BASP1: variants seen among roughly 807,000 people sequenced by gnomAD.
The protein encoded by BASP1 is brain acid soluble protein 1.
BASP1 carries 1 observed loss-of-function variant against 2.2 expected under a neutral mutation model. That is an observed-to-expected ratio of 0.46 (90% CI 0.16 to 2.17). The LOEUF (loss-of-function observed/expected upper bound fraction) is 2.17. Among genes scored for constraint, BASP1 ranks in the 30% most tolerant of loss-of-function variants. BASP1 has a pLI of 0.27. For synonymous variants in BASP1, 187 were observed against 154.2 expected, an observed-to-expected ratio of 1.21 and a Z score of -1.58; for missense variants, 352 against 327.2, an observed-to-expected ratio of 1.08 and a Z score of -0.58.
chr5:17,274,073 T>C (rs1740580173), intron 1 of BASP1, among the ~76,000 whole-genome samples: 1 of 152,202 alleles, frequency 6.6e-6, no homozygotes, highest in Admixed American at 6.5e-5. Context: ...GTTTAATGCT[T>C]GGTTTTCAGA....
rs6866010 is a variant in BASP1, at chr5:17,260,889, C to T, written c.-9-14319C>T. Among the ~76,000 whole-genome samples the T allele has an allele frequency of 0.046, 6,929 of 152,272 alleles. 508 individuals are homozygous for T. The highest frequency in any genetic ancestry group is 0.15 in the African/African-American group (6,432 of 41,526). ...AATCCAACAATATAAAAGGGTTAAGCAGGCCTGGCCTGGTGGTGGCTAACA... is the reference window on the plus strand; with the variant it reads ...AATCCAACAATATAAAAGGGTTAAGTAGGCCTGGCCTGGTGGTGGCTAACA... On this transcript the variant is annotated intron_variant, in intron 1 of 1. Transcript: ENST00000322611. The surrounding 1 kb of genome is among the most constrained non-coding windows in gnomAD (Gnocchi z 4.2).
chr5:17,270,307 C>T (rs938234536), intron 1 of BASP1, among the ~76,000 whole-genome samples: 6 of 152,164 alleles, frequency 3.9e-5, no homozygotes, highest in Non-Finnish European at 8.8e-5. Flanking sequence ...GCCCCCTCTT[C>T]TCTTTCTCTG....
chr5:17,256,976 C>T (rs1198681150), intron 1 of BASP1, among the ~76,000 whole-genome samples: 1 of 152,206 alleles, frequency 6.6e-6, no homozygotes, highest in African/African-American at 2.4e-5. Context: ...GCACATGGTC[C>T]TTTATCACAA....
At chr5:17,250,636 G>A (rs532346145) in intron 1 of BASP1, among the ~76,000 whole-genome samples, 8 of 152,142 alleles carry the variant, frequency 5.3e-5, no homozygotes, top group South Asian at 4.2e-4. Context: ...ACGGAGTCTC[G>A]CTTTGTCGCC....
At chr5:17,222,954 T>C (rs1739420119) in intron 1 of BASP1, among the ~76,000 whole-genome samples, 1 of 151,854 alleles carries the variant, frequency 6.6e-6, no homozygotes, top group South Asian at 2.1e-4. Context: ...TATAGGAAAA[T>C]GGTGTGCAGT....
intron 1 of BASP1, among the ~76,000 whole-genome samples, chr5:17,256,918 A>G (rs955191668): frequency 7.2e-5 from 11 of 152,234 alleles, no homozygotes; most frequent in African/African-American, 2.4e-4. Flanking sequence ...AGGTTTCCTG[A>G]TAATTTAACT....
At chr5:17,252,042 G>A (rs1018774775) in intron 1 of BASP1, among the ~76,000 whole-genome samples, 3 of 152,154 alleles carry the variant, frequency 2.0e-5, no homozygotes, top group Non-Finnish European at 4.4e-5. Context: ...TGAGCGCCAA[G>A]GATGACAGCC....
chr5:17,243,767 T>G (rs1739919655), intron 1 of BASP1, among the ~76,000 whole-genome samples: 1 of 152,222 alleles, frequency 6.6e-6, no homozygotes, highest in Non-Finnish European at 1.5e-5. Context: ...CTTCCTAGTC[T>G]GTCATGGAAG....
At chr5:17,263,967 C>G (rs981804791) in intron 1 of BASP1, among the ~76,000 whole-genome samples, 3 of 152,142 alleles carry the variant, frequency 2.0e-5, no homozygotes, top group Non-Finnish European at 4.4e-5. Flanking sequence ...TAAATATGAG[C>G]CTTGGCTGAA....
At chr5:17,237,334 A>C (rs1739768845) in intron 1 of BASP1, among the ~76,000 whole-genome samples, 2 of 152,022 alleles carry the variant, frequency 1.3e-5, no homozygotes, top group Non-Finnish European at 2.9e-5. Flanking sequence ...ACACAGCGAG[A>C]CTCCGTCTCA....
intron 1 of BASP1, among the ~76,000 whole-genome samples, chr5:17,274,393 A>G (rs1272663524): frequency 1.3e-5 from 2 of 152,158 alleles, no homozygotes; most frequent in Admixed American, 1.3e-4. Context: ...TGCTGATATA[A>G]CACACACACA....
intron 1 of BASP1, among the ~76,000 whole-genome samples, chr5:17,220,951 T>C (rs1739382958): frequency 6.6e-6 from 1 of 152,222 alleles, no homozygotes. Flanking sequence ...TTATTTACGG[T>C]AGTTTTGTAA....
chr5:17,227,409 C>T (rs139640793), intron 1 of BASP1, among the ~76,000 whole-genome samples: 1 of 136,142 alleles, frequency 7.3e-6, no homozygotes, highest in African/African-American at 2.9e-5. Context: ...TATATATATA[C>T]AATATTTTTT....
At chr5:17,244,252 A>G (rs1739931764) in intron 1 of BASP1, among the ~76,000 whole-genome samples, 1 of 152,244 alleles carries the variant, frequency 6.6e-6, no homozygotes, top group South Asian at 2.1e-4. Context: ...GGATCTGCTT[A>G]TAAGTGATCT....
At chr5:17,240,025 TA>T (rs139900009) in intron 1 of BASP1, among the ~76,000 whole-genome samples, 3,104 of 152,188 alleles carry the variant, frequency 0.02, 110 homozygotes, top group African/African-American at 0.072. Flanking sequence ...GTGATGGTAT[TA>T]AGTAAGAGCT....
intron 1 of BASP1, among the ~76,000 whole-genome samples, chr5:17,233,556 C>T (rs1321753471): frequency 2.0e-5 from 3 of 152,048 alleles, no homozygotes; most frequent in East Asian, 1.9e-4. Flanking sequence ...CTTAATGTTT[C>T]GAGTCTCTAG....
chr5:17,226,719 G>A (rs75298576), intron 1 of BASP1, among the ~76,000 whole-genome samples: 2,832 of 152,266 alleles, frequency 0.019, 55 homozygotes, highest in South Asian at 0.086. Flanking sequence ...TTTGCCTTAG[G>A]TGTAAGATGA....
Position 17,275,738 on chromosome 5 carries a change from C to G in BASP1, c.522C>G (p.Pro174=). 1.2e-6 allele frequency: 2 copies of G among 1,611,728 alleles called. No individual in the cohort carries two copies. The highest frequency in any genetic ancestry group is 1.1e-5 in the South Asian group (1 of 90,940). ...SDGAPASDSK[P]GSSEAAPSSK... is the part of the protein sequence containing the mutation. ...GGGCCCCAGCTTCAGACTCAAAACC[C>G]GGCAGCTCGGAGGCTGCCCCCTCTT... The change falls in exon 2 of 2, where the codon CCC becomes CCG. Residue 174 remains proline, a synonymous_variant. Coordinates refer to ENST00000322611, the MANE Select transcript of BASP1 (RefSeq NM_006317.5). The surrounding 1 kb of genome is among the most constrained non-coding windows in gnomAD (Gnocchi z 5.3).
At chr5:17,247,714 T>A (rs577771605) in intron 1 of BASP1, among the ~76,000 whole-genome samples, 24 of 152,316 alleles carry the variant, frequency 1.6e-4, no homozygotes, top group Non-Finnish European at 3.1e-4. Flanking sequence ...AGCATCTCTT[T>A]CAGTGTGAGG....
Sources: allele counts gnomAD v4.1 joint callset (sites outside exome capture counted in the v4.1 genomes callset), GRCh38; gene constraint gnomAD v4.1.1; non-coding constraint Gnocchi (gnomAD v3.1); transcripts MANE v1.5; gene names NCBI Gene and HGNC (gene_info 2026-07-23, HGNC 2026-07-21).